TRIM36: variants seen among roughly 807,000 people sequenced by gnomAD.
TRIM36 encodes the protein E3 ubiquitin-protein ligase TRIM36.
Under a neutral mutation model 72.4 loss-of-function variants are expected in TRIM36, and 42 were observed. The ratio of observed to expected loss-of-function variants is 0.58; its 90% CI spans 0.45 to 0.75. The LOEUF (loss-of-function observed/expected upper bound fraction) is 0.75. Among genes scored for constraint, TRIM36 ranks in the 30% least tolerant of loss-of-function variants. The pLI is 0.00. For missense variants in TRIM36, 913 were observed against 857.1 expected (o/e 1.07, Z -0.81); for synonymous variants, 315 against 282.8 (o/e 1.11, Z -1.14).
intron 7 of TRIM36, among the ~76,000 whole-genome samples, chr5:115,134,870 T>C (rs895417423): frequency 2.6e-5 from 4 of 152,234 alleles, no homozygotes; most frequent in South Asian, 2.1e-4. Context: ...TTTCTTTGCA[T>C]AGTTTATTCT....
intron 2 of TRIM36, among the ~76,000 whole-genome samples, chr5:115,156,334 A>C (rs1754180236): frequency 6.6e-6 from 1 of 152,168 alleles, no homozygotes; most frequent in Non-Finnish European, 1.5e-5. Context: ...ATATGGAACC[A>C]AAAAAGAGCC....
chr5:115,165,035 G>A (rs1186797864), intron 1 of TRIM36, among the ~76,000 whole-genome samples: 1 of 152,188 alleles, frequency 6.6e-6, no homozygotes, highest in Non-Finnish European at 1.5e-5. Flanking sequence ...GATCTCCTTT[G>A]ACTCAATGTC....
In TRIM36 at chr5:115,161,431, C is replaced by A. The variant is rs139954779; in HGVS notation, c.262+2087G>T. On this transcript the variant is annotated intron_variant, in intron 2 of 9. Transcript: ENST00000513154. ...AATATTGCAGACAGTGGCCACCCAC[C>A]CATTGTTTTAAACAAAGTCTTCAGA... Among the ~76,000 whole-genome samples the A allele has an allele frequency of 6.5e-3, 992 of 152,232 alleles. 15 individuals are homozygous for A. Among genetic ancestry groups the A allele is most frequent in the African/African-American group, 0.023 (950 of 41,520 alleles).
At chr5:115,164,924 C>CA (rs2126935232) in intron 1 of TRIM36, among the ~76,000 whole-genome samples, 1 of 152,334 alleles carries the variant, frequency 6.6e-6, no homozygotes, top group Non-Finnish European at 1.5e-5. Context: ...CAAATGCTCC[C>CA]ATTCCAAATG....
intron 8 of TRIM36, 39 bp from the exon 9 acceptor site, chr5:115,130,928 T>A (rs1752644156): frequency 6.4e-7 from 1 of 1,571,770 alleles, no homozygotes; most frequent in South Asian, 1.2e-5. Flanking sequence ...CTAAAAATTA[T>A]CATTGCTCTA....
Position 115,169,667 on chromosome 5 carries a change from G to T in TRIM36, c.-33C>A. The T allele has an allele frequency of 6.6e-7, 1 of 1,517,646 alleles. No homozygotes were observed. The highest frequency in any genetic ancestry group is 8.8e-7 in the Non-Finnish European group (1 of 1,137,596). 94.0% of individuals were successfully genotyped at this position (1,517,646 alleles called of 1,614,324 possible). ...TTCTGCCAGGTGTCATCAGCGGCAC[G>T]TTCCACTCACACCGGCTACCGAGCG... On this transcript the variant is annotated 5_prime_UTR_variant, in exon 1 of 10. Coordinates refer to ENST00000513154, the MANE Select transcript of TRIM36 (RefSeq NM_001300759.2).
chr5:115,152,638 G>C (rs531960484), intron 2 of TRIM36, among the ~76,000 whole-genome samples: 1 of 152,090 alleles, frequency 6.6e-6, no homozygotes, highest in Non-Finnish European at 1.5e-5. Context: ...GGTAACCTAG[G>C]GAAAACCTAT....
At chr5:115,173,509 CAT>C (rs59903198), upstream of TRIM36, among the ~76,000 whole-genome samples, 4,077 of 150,932 alleles carry the variant, frequency 0.027, 179 homozygotes, top group African/African-American at 0.095. Flanking sequence ...GGTGTGTGGA[CAT>C]GTGTATTTGA....
At chr5:115,166,192 C>T (rs530859885) in intron 1 of TRIM36, among the ~76,000 whole-genome samples, 9 of 152,184 alleles carry the variant, frequency 5.9e-5, no homozygotes, top group Non-Finnish European at 8.8e-5. Context: ...AGGGTCCAGG[C>T]TGCCAGTTCC....
At chr5:115,151,912 G>A (rs1303762098) in intron 2 of TRIM36, among the ~76,000 whole-genome samples, 3 of 152,158 alleles carry the variant, frequency 2.0e-5, no homozygotes, top group Non-Finnish European at 4.4e-5. Context: ...CTCTGACAGA[G>A]CCTACCGAAA....
chr5:115,169,545 G>GA (rs1754978934), intron 1 of TRIM36, 63 bp downstream of exon 1: 10 of 1,478,392 alleles, frequency 6.8e-6, no homozygotes, highest in Admixed American at 2.1e-5. Flanking sequence ...GCGGAGGAAA[G>GA]AGAAAGAGCC....
chr5:115,173,401 G>C (rs1755201939), upstream of TRIM36, among the ~76,000 whole-genome samples: 2 of 152,100 alleles, frequency 1.3e-5, no homozygotes, highest in Non-Finnish European at 1.5e-5. Flanking sequence ...TTTTCCATAT[G>C]TGTAGCCCTG....
chr5:115,157,285 A>G (rs1168648110), intron 2 of TRIM36, among the ~76,000 whole-genome samples: 2 of 152,142 alleles, frequency 1.3e-5, no homozygotes, highest in Non-Finnish European at 2.9e-5. Flanking sequence ...AGTAGAGGCC[A>G]GGCACAGTGG....
chr5:115,176,943 T>C (rs573989851), intron 1 of TRIM36, among the ~76,000 whole-genome samples: 1 of 152,330 alleles, frequency 6.6e-6, no homozygotes, highest in African/African-American at 2.4e-5. Flanking sequence ...GCAGTATTGT[T>C]TGATGAGCAG....
At chr5:115,171,026 A>C, upstream of TRIM36, 1 of 1,589,638 alleles carries the variant, frequency 6.3e-7, no homozygotes, top group Non-Finnish European at 8.6e-7. Context: ...ATTCATTCCT[A>C]TGTATTAGGC....
At chr5:115,142,605 C>T (rs1753337734) in intron 4 of TRIM36, among the ~76,000 whole-genome samples, 1 of 152,176 alleles carries the variant, frequency 6.6e-6, no homozygotes, top group South Asian at 2.1e-4. Context: ...ATACGTTTAT[C>T]TGAGAATAGC....
upstream of TRIM36, among the ~76,000 whole-genome samples, chr5:115,172,017 A>T (rs2126952444): frequency 6.6e-6 from 1 of 152,332 alleles, no homozygotes; most frequent in East Asian, 1.9e-4. Flanking sequence ...TAATTCTTTC[A>T]GAGTATAAGT....
At chr5:115,136,894 G>C (rs1293582426) in intron 7 of TRIM36, 106 bp downstream of exon 7, 5 of 1,166,016 alleles carry the variant, frequency 4.3e-6, no homozygotes, top group Non-Finnish European at 5.8e-6. Context: ...TCCTGGGCAA[G>C]TGAGATGCTG....
intron 1 of TRIM36, 46 bp downstream of exon 1, chr5:115,169,562 G>A: frequency 4.7e-6 from 7 of 1,491,080 alleles, no homozygotes; most frequent in Non-Finnish European, 6.3e-6. Context: ...AGCCGCGGTC[G>A]GCACACCGCC....
Sources: gnomAD v4.1 joint callset for allele counts (sites outside exome capture counted in the v4.1 genomes callset) on GRCh38, gnomAD v4.1.1 for gene constraint, MANE v1.5 for transcripts, NCBI Gene and HGNC (gene_info 2026-07-23, HGNC 2026-07-21) for gene names.